Variants in ALDH6A1 observed in about 807,000 individuals in gnomAD.
ALDH6A1 encodes the protein aldehyde dehydrogenase 6 family member A1, also known as methylmalonate-semialdehyde/malonate-semialdehyde dehydrogenase [acylating], mitochondrial.
A neutral mutation model predicts 62.6 loss-of-function variants in ALDH6A1; 43 were observed. The observed-to-expected ratio is 0.69, with a 90% CI of 0.54 to 0.89. ALDH6A1 has a LOEUF of 0.89. Among genes scored for constraint, ALDH6A1 ranks in the 40% least tolerant of loss-of-function variants. The pLI, the probability that ALDH6A1 is intolerant of heterozygous loss-of-function variation, is 0.00. For missense variants in ALDH6A1, 551 were observed against 661.3 expected, an observed-to-expected ratio of 0.83 and a Z score of 1.83; for synonymous variants, 194 against 234.2, an observed-to-expected ratio of 0.83 and a Z score of 1.57.
chr14:74,072,117 G>T, intron 4 of ALDH6A1, 86 bp downstream of exon 4: 5 of 1,597,558 alleles, frequency 3.1e-6, no homozygotes, highest in Non-Finnish European at 4.3e-6. Context: ...TGCAGAGTAA[G>T]GGAGGGTGGC....
Position 74,066,651 on chromosome 14 carries a change from T to C in ALDH6A1, c.1224+54A>G, listed in dbSNP as rs945711990. 2.7e-6 allele frequency: 4 copies of C among 1,495,364 alleles called. No homozygotes were observed. The African/African-American group carries it at 5.5e-5, about 21-fold the overall frequency. 92.6% of individuals were successfully genotyped at this position (1,495,364 alleles called of 1,614,324 possible). A position where few individuals can be genotyped will look rare whatever the true frequency, so the allele number is the denominator to read the frequency against. ...TTAATAAATTAGAGGGATGAGATTC[T>C]ATAGCCTTTAAGGTGCCTTCAGCTC... On this transcript the variant is annotated intron_variant, in intron 9 of 11. Transcript: ENST00000553458.
chr14:74,074,143 C>T (rs532199116), intron 2 of ALDH6A1, among the ~76,000 whole-genome samples: 2 of 151,678 alleles, frequency 1.3e-5, no homozygotes, highest in South Asian at 2.1e-4. Flanking sequence ...CACCACCACG[C>T]CTGGCTAATT....
At chr14:74,065,799 A>G (rs1443179458) in intron 9 of ALDH6A1, 1 of 190,630 alleles carries the variant, frequency 5.2e-6, no homozygotes, top group Non-Finnish European at 1.1e-5. Context: ...ATCCATTCTT[A>G]TTCACTCCTT....
intron 2 of ALDH6A1, among the ~76,000 whole-genome samples, chr14:74,074,699 G>C (rs2060593306): frequency 6.6e-6 from 1 of 152,080 alleles, no homozygotes; most frequent in Non-Finnish European, 1.5e-5. Flanking sequence ...ACAGACAGAT[G>C]ATCTGTAAAA....
Position 74,057,946 on chromosome 14 carries a change from T to A in ALDH6A1, c.*2696A>T. The stretch of plus-strand genomic sequence containing the variant: ...TTAAATATAAGGAAAATGTTAGGAA[T>A]CTCTGTGACTACATTTAATTCCACT... On this transcript the variant is annotated 3_prime_UTR_variant, in exon 12 of 12. Transcript: ENST00000553458. The A allele has an allele frequency of 1.1e-6, 1 of 943,924 alleles. No individual in the cohort carries two copies. 58.5% of individuals were successfully genotyped at this position (943,924 alleles called of 1,614,324 possible).
chr14:74,072,533 T>C lies in ALDH6A1; in HGVS notation c.186+4A>G, dbSNP rs1375477868. On this transcript the variant is annotated splice_donor_region_variant and intron_variant, in intron 3 of 11. Transcript: ENST00000553458. The stretch of plus-strand genomic sequence containing the variant: ...AGTTGAAGTCCCAAAGCAGCTTCGC[T>C]TACTGGGTTGTGGATATCGATCCAT... 2 of 1,614,076 alleles carry C rather than the reference T, an allele frequency of 1.2e-6. No individual in the cohort carries two copies. The highest frequency in any genetic ancestry group is 2.7e-5 in the African/African-American group (2 of 74,932).
At chr14:74,068,827 C>T in intron 7 of ALDH6A1, 33 bp downstream of exon 7, 3 of 1,612,466 alleles carry the variant, frequency 1.9e-6, no homozygotes, top group Non-Finnish European at 2.5e-6. Flanking sequence ...ATATATAGAA[C>T]AAAGATTGGA....
At chr14:74,067,616 A>G in intron 7 of ALDH6A1, 47 bp from the exon 8 acceptor site, 1 of 1,596,280 alleles carries the variant, frequency 6.3e-7, no homozygotes, top group Non-Finnish European at 8.6e-7. Context: ...GGCCAAATAC[A>G]ACTAAGCTAA....
chr14:74,067,246 G>C (rs367805736), intron 8 of ALDH6A1, 134 bp downstream of exon 8: 14 of 1,076,666 alleles, frequency 1.3e-5, no homozygotes, highest in East Asian at 9.5e-5. Context: ...GACTCCAAAT[G>C]ACAAGTACAG....
In ALDH6A1 at chr14:74,057,534, T is replaced by C. The variant is rs1231661183; in HGVS notation, c.*3108A>G. On this transcript the variant is annotated 3_prime_UTR_variant, in exon 12 of 12. Coordinates refer to ENST00000553458, the MANE Select transcript of ALDH6A1 (RefSeq NM_005589.4). ...CAGCCTAGCCAAAATGTGTACTATC[T>C]TTTACGTAAGAGTAAACATAGTGAC... is the stretch of plus-strand genomic sequence containing the variant. 2 of 1,347,838 alleles carry C rather than the reference T, an allele frequency of 1.5e-6. No individual in the cohort carries two copies. Among genetic ancestry groups the C allele is most frequent in the African/African-American group, 2.9e-5 (2 of 68,000 alleles). 83.5% of individuals were successfully genotyped at this position (1,347,838 alleles called of 1,614,324 possible).
At chr14:74,072,498 T>C in intron 3 of ALDH6A1, 39 bp downstream of exon 3, 3 of 1,613,804 alleles carry the variant, frequency 1.9e-6, no homozygotes, top group Non-Finnish European at 2.5e-6. Flanking sequence ...CCTAGAATTC[T>C]AGGCTCATAA....
Position 74,067,462 on chromosome 14 carries a change from AAG to A in ALDH6A1, c.958_959del (p.Leu320PhefsTer34). The A allele has an allele frequency of 6.2e-7, 1 of 1,614,204 alleles. No homozygotes were observed. Among genetic ancestry groups the A allele is most frequent in the Non-Finnish European group, 8.5e-7 (1 of 1,180,038 alleles). Reference sequence around the variant, plus strand: ...CTTCTCCCACAAGGACTGCTGTTGAAAGAGCCATGCAGCGCTGACCAGCAGCT... The same window carrying A: ...CTTCTCCCACAAGGACTGCTGTTGAAAGCCATGCAGCGCTGACCAGCAGCT... Reference protein sequence around the residue: ...FGAAGQRCMALSTAVLVGEAK... With the variant: ...FGAAGQRCMAXSTAVLVGEAK... On this transcript the variant is annotated frameshift_variant, in exon 8 of 12. Coordinates refer to ENST00000553458, the MANE Select transcript of ALDH6A1 (RefSeq NM_005589.4). LOFTEE classifies it high-confidence loss of function.
At position 74,084,367 on chromosome 14, in the gene ALDH6A1, C is replaced by T; in HGVS notation, c.28G>A (p.Val10Met). 6.2e-7 allele frequency: 1 copy of T among 1,613,026 alleles called. No individual in the cohort carries two copies. Among genetic ancestry groups the T allele is most frequent in the East Asian group, 2.2e-5 (1 of 44,862 alleles). The change falls in exon 1 of 12, where the codon GTG becomes ATG. Residue 10 changes from valine to methionine, a missense_variant. Val to Met is a conservative substitution (Grantham distance 21, BLOSUM62 1). Coordinates refer to ENST00000553458, the MANE Select transcript of ALDH6A1 (RefSeq NM_005589.4). MAALLAAAA[V>M]RARILQVSSK... Reference sequence around the variant, plus strand: ...CTCGCCTGCAGGATCCGGGCTCGCACTGCCGCCGCCGCCAATAGCGCCGCC... The same window carrying T: ...CTCGCCTGCAGGATCCGGGCTCGCATTGCCGCCGCCGCCAATAGCGCCGCC...
At chr14:74,076,835 C>A (rs1302297126) in intron 1 of ALDH6A1, among the ~76,000 whole-genome samples, 1 of 152,096 alleles carries the variant, frequency 6.6e-6, no homozygotes, top group African/African-American at 2.4e-5. Flanking sequence ...CAGGTGTAAG[C>A]CACTGCACCC....
chr14:74,060,911 T>G (rs1344052519), intron 11 of ALDH6A1, among the ~76,000 whole-genome samples, 165 bp from the exon 12 acceptor site: 1 of 151,968 alleles, frequency 6.6e-6, no homozygotes, highest in African/African-American at 2.4e-5. Context: ...TCTAAAACAT[T>G]TAACATAATA....
intron 9 of ALDH6A1, 77 bp from the exon 10 acceptor site, chr14:74,065,437 C>G: frequency 7.8e-7 from 1 of 1,278,284 alleles, no homozygotes; most frequent in Non-Finnish European, 1.1e-6. Flanking sequence ...GGTACTTTCA[C>G]TTACTACACA....
At chr14:74,082,422 T>A (rs2060679107) in intron 1 of ALDH6A1, among the ~76,000 whole-genome samples, 1 of 114,646 alleles carries the variant, frequency 8.7e-6, no homozygotes, top group Non-Finnish European at 1.8e-5. Flanking sequence ...TTTTTTTTGA[T>A]GGAGTCTTGC....
rs541411408 is a variant in ALDH6A1 at position 74,059,723 on chromosome 14, C to T, written c.*919G>A. Reference sequence around the variant, plus strand: ...AAAAAAGAAAAAAGAAAATTATTTGCATCTGAATTAATGGCTGAAGTATTA... The same window carrying T: ...AAAAAAGAAAAAAGAAAATTATTTGTATCTGAATTAATGGCTGAAGTATTA... On this transcript the variant is annotated 3_prime_UTR_variant, in exon 12 of 12. Transcript: ENST00000553458. The T allele has an allele frequency of 4.6e-5, 8 of 172,174 alleles. No homozygotes were observed. In the South Asian group the frequency reaches 1.1e-3, roughly 24 times the overall value. The allele number at this position is 172,174 out of a possible 1,614,324, so 10.7% of individuals were successfully genotyped here. A position where few individuals can be genotyped will look rare whatever the true frequency, so the allele number is the denominator to read the frequency against.
At chr14:74,073,972 A>G (rs2139798967) in intron 2 of ALDH6A1, among the ~76,000 whole-genome samples, 1 of 147,196 alleles carries the variant, frequency 6.8e-6, no homozygotes, top group African/African-American at 2.5e-5. Context: ...TTTCTGAGAT[A>G]TAGCTCACTT....
Sources: gnomAD v4.1 joint callset for allele counts (sites outside exome capture counted in the v4.1 genomes callset) on GRCh38, gnomAD v4.1.1 for gene constraint, MANE v1.5 for transcripts, NCBI Gene and HGNC (gene_info 2026-07-23, HGNC 2026-07-21) for gene names.